TMEM108: variants seen among roughly 807,000 people sequenced by gnomAD.
TMEM108 encodes cancer/testis antigen 124.
Under a neutral mutation model 35.1 loss-of-function variants are expected in TMEM108, and 12 were observed. The ratio of observed to expected loss-of-function variants is 0.34; its 90% CI spans 0.22 to 0.55. The LOEUF is 0.55. TMEM108 is among the 20% of genes least tolerant of loss of function. TMEM108 has a pLI of 0.89. For synonymous variants in TMEM108, 287 were observed against 308.6 expected, an observed-to-expected ratio of 0.93 and a Z score of 0.73; for missense variants, 680 against 753.3, an observed-to-expected ratio of 0.90 and a Z score of 1.14.
At chr3:133,191,207 A>G (rs1329976387) in intron 2 of TMEM108, among the ~76,000 whole-genome samples, 1 of 152,156 alleles carries the variant, frequency 6.6e-6, no homozygotes. Context: ...TTCTTTTAAG[A>G]AAAATACATA....
chr3:133,205,809 G>A (rs1290532552), intron 2 of TMEM108, among the ~76,000 whole-genome samples: 1 of 152,088 alleles, frequency 6.6e-6, no homozygotes, highest in South Asian at 2.1e-4. Flanking sequence ...TATCTTTGTG[G>A]TGCTCTCTGT....
intron 3 of TMEM108, among the ~76,000 whole-genome samples, chr3:133,272,858 G>A (rs1946792091): frequency 6.6e-6 from 1 of 152,122 alleles, no homozygotes; most frequent in Admixed American, 6.5e-5. Context: ...CACAATGACT[G>A]GGAAATGATA....
intron 3 of TMEM108, among the ~76,000 whole-genome samples, chr3:133,374,242 A>C (rs1202168438): frequency 6.6e-6 from 1 of 152,202 alleles, no homozygotes; most frequent in Non-Finnish European, 1.5e-5. Context: ...GGTGGGAAGA[A>C]TGTCAGAGAA....
At chr3:133,300,707 C>G (rs1331097659) in intron 3 of TMEM108, among the ~76,000 whole-genome samples, 1 of 151,932 alleles carries the variant, frequency 6.6e-6, no homozygotes, top group Non-Finnish European at 1.5e-5. Flanking sequence ...GGGATTGTCC[C>G]TGGTTGCCAG....
chr3:133,332,613 A>G (rs1025616441), intron 3 of TMEM108, among the ~76,000 whole-genome samples: 1 of 152,186 alleles, frequency 6.6e-6, no homozygotes, highest in Non-Finnish European at 1.5e-5. Context: ...CTTATTAGGA[A>G]ATGCTTATAG....
intron 3 of TMEM108, among the ~76,000 whole-genome samples, chr3:133,279,836 TTCAGAC>T (rs1946887612): frequency 6.6e-6 from 1 of 152,174 alleles, no homozygotes; most frequent in South Asian, 2.1e-4. Context: ...ATGAAAATGT[TTCAGAC>T]CTGAACATTA....
chr3:133,322,874 G>A (rs923805879), intron 3 of TMEM108, among the ~76,000 whole-genome samples: 14 of 152,016 alleles, frequency 9.2e-5, no homozygotes, highest in Middle Eastern at 3.2e-3. Flanking sequence ...TATACAAATC[G>A]ATAAATGTGA....
chr3:133,261,769 A>C (rs1946628292), intron 3 of TMEM108, among the ~76,000 whole-genome samples: 1 of 152,210 alleles, frequency 6.6e-6, no homozygotes, highest in South Asian at 2.1e-4. Context: ...CCTCACACAA[A>C]ATGATCTGCA....
chr3:133,172,519 C>G (rs935598614), intron 2 of TMEM108, among the ~76,000 whole-genome samples: 5 of 152,146 alleles, frequency 3.3e-5, no homozygotes, highest in African/African-American at 1.2e-4. Context: ...CTATGCACAT[C>G]TTGTGTTAAG....
chr3:133,222,661 G>A (rs1360590283), intron 2 of TMEM108, among the ~76,000 whole-genome samples: 6 of 151,388 alleles, frequency 4.0e-5, no homozygotes, highest in African/African-American at 1.5e-4. Context: ...TGTTGTTGAT[G>A]CCTTCTATTG....
intron 2 of TMEM108, among the ~76,000 whole-genome samples, chr3:133,074,156 G>C (rs948210139): frequency 1.3e-5 from 2 of 152,204 alleles, no homozygotes; most frequent in African/African-American, 4.8e-5. Context: ...CAGGCACAGA[G>C]AGTTGAGTGA....
At chr3:133,151,554 CTCT>C (rs1260887338) in intron 2 of TMEM108, among the ~76,000 whole-genome samples, 2 of 152,036 alleles carry the variant, frequency 1.3e-5, no homozygotes, top group Non-Finnish European at 2.9e-5. Context: ...AAGAAGAAGA[CTCT>C]TCTTCTTAGA....
chr3:133,056,548 A>G (rs982478499), intron 2 of TMEM108, among the ~76,000 whole-genome samples: 5 of 152,184 alleles, frequency 3.3e-5, no homozygotes, highest in Admixed American at 3.3e-4. Context: ...TTTCATCCCA[A>G]CAGTATGCAT....
intron 2 of TMEM108, among the ~76,000 whole-genome samples, chr3:133,073,504 C>CTA (rs1302060288): frequency 7.0e-4 from 60 of 85,880 alleles, no homozygotes; most frequent in Non-Finnish European, 7.6e-4. Context: ...CTCTCTCTCT[C>CTA]TCTCTCTATA....
intron 2 of TMEM108, among the ~76,000 whole-genome samples, chr3:133,159,196 C>G (rs988311849): frequency 2.0e-5 from 3 of 152,208 alleles, no homozygotes; most frequent in Non-Finnish European, 2.9e-5. Context: ...CTGTGTGTCC[C>G]TTATCACACC....
At chr3:133,224,168 G>T (rs955961140) in intron 2 of TMEM108, among the ~76,000 whole-genome samples, 5 of 151,564 alleles carry the variant, frequency 3.3e-5, no homozygotes, top group Non-Finnish European at 7.4e-5. Context: ...TTCATTCATT[G>T]TTTATTTACT....
In TMEM108 at chr3:133,396,144, G is replaced by A. The variant is rs1282003071; in HGVS notation, c.*158G>A. On this transcript the variant is annotated 3_prime_UTR_variant, in exon 6 of 6. Coordinates refer to ENST00000321871, the MANE Select transcript of TMEM108 (RefSeq NM_023943.4). ...AATTGTCAACATCTTTTTTACAAGTGTGGTTTAAAAAAAAAAAAAACTTTA... is the reference window on the plus strand; with the variant it reads ...AATTGTCAACATCTTTTTTACAAGTATGGTTTAAAAAAAAAAAAAACTTTA... 25 of 296,198 alleles carry A rather than the reference G, an allele frequency of 8.4e-5. 1 individual carries two copies. The East Asian group carries it at 2.7e-3, about 31-fold the overall frequency. 18.3% of individuals were successfully genotyped at this position (296,198 alleles called of 1,614,324 possible). A position where few individuals can be genotyped will look rare whatever the true frequency, so the allele number is the denominator to read the frequency against.
intron 3 of TMEM108, among the ~76,000 whole-genome samples, chr3:133,333,379 A>AAATC (rs2071423320): frequency 6.6e-6 from 1 of 152,168 alleles, no homozygotes; most frequent in Non-Finnish European, 1.5e-5. Flanking sequence ...TCAAAAAAAA[A>AAATC]AAATCAAATA....
In TMEM108 at chr3:133,227,435, C is replaced by T. The variant is rs566674781; in HGVS notation, c.-46-1831C>T. ...GTCTCGATCTCCTGACCTCGTGATCCGCCCGCCTCGGCCTCCCAAAGTGCT... is the reference window on the plus strand; with the variant it reads ...GTCTCGATCTCCTGACCTCGTGATCTGCCCGCCTCGGCCTCCCAAAGTGCT... On this transcript the variant is annotated intron_variant, in intron 2 of 5. Transcript: ENST00000321871. 5.2e-3 allele frequency among the ~76,000 whole-genome samples: 776 copies of T among 148,812 alleles called. 12 individuals carry two copies. The highest frequency in any genetic ancestry group is 0.018 in the African/African-American group (738 of 40,880).
Sources: gnomAD v4.1 joint callset for allele counts (sites outside exome capture counted in the v4.1 genomes callset) on GRCh38, gnomAD v4.1.1 for gene constraint, MANE v1.5 for transcripts, NCBI Gene and HGNC (gene_info 2026-07-23, HGNC 2026-07-21) for gene names.